Variants in TMEM132C observed in about 807,000 individuals in gnomAD.
The protein encoded by TMEM132C is protein phosphatase 1, regulatory subunit 152.
In TMEM132C, 29 loss-of-function variants were observed where a neutral mutation model predicts 61.4. The ratio of observed to expected loss-of-function variants is 0.47; its 90% CI spans 0.35 to 0.64. The LOEUF is 0.64. TMEM132C is among the 30% of genes least tolerant of loss of function. The probability of loss-of-function intolerance (pLI) is 0.00; values close to 1 mark genes in which losing one functional copy is unlikely to be tolerated. For synonymous variants in TMEM132C, 656 were observed against 633.1 expected (o/e 1.04, Z -0.54); for missense variants, 1,408 against 1,476.9 (o/e 0.95, Z 0.76).
intron 1 of TMEM132C, among the ~76,000 whole-genome samples, chr12:128,295,736 A>G (rs1005168418): frequency 2.0e-5 from 3 of 151,712 alleles, no homozygotes; most frequent in African/African-American, 7.3e-5. Flanking sequence ...GTGATCAGAG[A>G]CCAGTCCAGT....
At chr12:128,473,605 TTCA>T (rs1871055613) in intron 2 of TMEM132C, among the ~76,000 whole-genome samples, 1 of 152,102 alleles carries the variant, frequency 6.6e-6, no homozygotes, top group African/African-American at 2.4e-5. Flanking sequence ...AGCCTCTATC[TTCA>T]TCTTCACTCC....
Position 128,630,284 on chromosome 12 carries a change from A to G in TMEM132C, c.1305+13949A>G, listed in dbSNP as rs1464081142. Among the ~76,000 whole-genome samples, 3 of 152,150 alleles carry G rather than the reference A, an allele frequency of 2.0e-5. No homozygotes were observed. Among genetic ancestry groups the G allele is most frequent in the Non-Finnish European group, 4.4e-5 (3 of 68,022 alleles). Reference sequence around the variant, plus strand: ...GCCACACTGACGGCCCATGAGGGTCACTAGGGGGCAGGGGCTGGAGCTTCT... The same window carrying G: ...GCCACACTGACGGCCCATGAGGGTCGCTAGGGGGCAGGGGCTGGAGCTTCT... On this transcript the variant is annotated intron_variant, in intron 4 of 8. Transcript: ENST00000435159. This position sits in a 1 kb window ranked among gnomAD's most constrained non-coding sequence, Gnocchi z 4.3.
chr12:128,402,440 G>A (rs1875194279), intron 1 of TMEM132C, among the ~76,000 whole-genome samples: 1 of 152,030 alleles, frequency 6.6e-6, no homozygotes, highest in Non-Finnish European at 1.5e-5. Context: ...TGTTTCCCTA[G>A]TGACACTTTG....
intron 8 of TMEM132C, among the ~76,000 whole-genome samples, chr12:128,700,534 A>G (rs1954796531): frequency 1.3e-5 from 2 of 152,166 alleles, no homozygotes; most frequent in Non-Finnish European, 2.9e-5. Flanking sequence ...TCAAGAGGAA[A>G]TGTCAGCCAC....
At chr12:128,609,616 G>A (rs1306290985) in intron 3 of TMEM132C, among the ~76,000 whole-genome samples, 1 of 151,906 alleles carries the variant, frequency 6.6e-6, no homozygotes, top group East Asian at 2.0e-4. Flanking sequence ...GAAATAGGGT[G>A]ACCTTCATAC....
At chr12:128,598,439 G>GA (rs796848033) in intron 3 of TMEM132C, among the ~76,000 whole-genome samples, 81 of 150,994 alleles carry the variant, frequency 5.4e-4, no homozygotes, top group African/African-American at 1.7e-3. Context: ...TGGTCTCAAA[G>GA]AAAAAAAAAG....
chr12:128,605,142 G>T (rs1876377518), intron 3 of TMEM132C, among the ~76,000 whole-genome samples: 3 of 150,816 alleles, frequency 2.0e-5, no homozygotes, highest in Admixed American at 1.3e-4. Flanking sequence ...TAGATACATA[G>T]ATACATAGAT....
chr12:128,695,926 G>A lies in TMEM132C; in HGVS notation c.1752G>A (p.Gln584=). The A allele has an allele frequency of 6.4e-7, 1 of 1,551,762 alleles. No individual in the cohort carries two copies. Among genetic ancestry groups the A allele is most frequent in the Non-Finnish European group, 8.7e-7 (1 of 1,147,010 alleles). ...ACGCCACCGTGCGGGTCCTCACCCA[G>A]TTTGTGTCTGAGGGCGCCGGTCCAT... is the stretch of plus-strand genomic sequence containing the variant. The part of the protein sequence containing the change: ...YQHATVRVLT[Q]FVSEGAGPWG... Residue 584 remains glutamine (Q), a synonymous_variant, in exon 7 of 9, where the codon CAG becomes CAA. Coordinates refer to ENST00000435159, the MANE Select transcript of TMEM132C (RefSeq NM_001136103.3).
chr12:128,692,941 C>T (rs555512944), intron 5 of TMEM132C, among the ~76,000 whole-genome samples: 1 of 152,240 alleles, frequency 6.6e-6, no homozygotes, highest in South Asian at 2.1e-4. Flanking sequence ...GAAAGGGAGG[C>T]GCATAGGGAA....
intron 1 of TMEM132C, among the ~76,000 whole-genome samples, chr12:128,383,857 C>A (rs893984441): frequency 1.3e-5 from 2 of 152,198 alleles, no homozygotes; most frequent in African/African-American, 4.8e-5. Context: ...TAGCCACTCT[C>A]TTACTGAGCA....
intron 2 of TMEM132C, among the ~76,000 whole-genome samples, chr12:128,519,780 A>G (rs7974728): frequency 0.92 from 139,804 of 152,252 alleles, 65,267 homozygotes; most frequent in East Asian, 1. Flanking sequence ...ACAAGGAAGA[A>G]TGAGGGGTTG....
intron 1 of TMEM132C, among the ~76,000 whole-genome samples, chr12:128,290,139 AG>A (rs1446335466): frequency 1.6e-4 from 25 of 152,186 alleles, no homozygotes; most frequent in African/African-American, 5.8e-4. Context: ...AAAACCCAGT[AG>A]GGCGTGTGAT....
intron 3 of TMEM132C, among the ~76,000 whole-genome samples, chr12:128,589,063 G>A (rs1049241958): frequency 6.6e-6 from 1 of 152,124 alleles, no homozygotes; most frequent in Non-Finnish European, 1.5e-5. Context: ...TATGACCAAC[G>A]ACCACAGCCC....
intron 4 of TMEM132C, among the ~76,000 whole-genome samples, chr12:128,669,062 G>A (rs1235042442): frequency 3.9e-5 from 6 of 152,204 alleles, no homozygotes; most frequent in African/African-American, 1.4e-4. Context: ...AACTTACTGT[G>A]CTTGCTCAAG....
At chr12:128,362,682 G>T (rs1331401212) in intron 1 of TMEM132C, among the ~76,000 whole-genome samples, 1 of 152,128 alleles carries the variant, frequency 6.6e-6, no homozygotes, top group African/African-American at 2.4e-5. Flanking sequence ...TCCTTTGAAC[G>T]TGACCTTTGA....
intron 1 of TMEM132C, among the ~76,000 whole-genome samples, chr12:128,285,469 G>C (rs539550927): frequency 6.6e-6 from 1 of 152,136 alleles, no homozygotes; most frequent in South Asian, 2.1e-4. Flanking sequence ...GTCGTTGCCA[G>C]GGAAGAACAT....
At chr12:128,281,966 G>A (rs1870912818) in intron 1 of TMEM132C, among the ~76,000 whole-genome samples, 1 of 152,130 alleles carries the variant, frequency 6.6e-6, no homozygotes, top group Non-Finnish European at 1.5e-5. Flanking sequence ...CATTGGAGTT[G>A]GATTCTCTTT....
At chr12:128,600,865 C>A (rs568953497) in intron 3 of TMEM132C, among the ~76,000 whole-genome samples, 72 of 152,318 alleles carry the variant, frequency 4.7e-4, no homozygotes, top group African/African-American at 1.6e-3. Flanking sequence ...AGAAAGCCTT[C>A]TGTTTTAAAT....
At chr12:128,582,074 G>A (rs780466131) in intron 3 of TMEM132C, among the ~76,000 whole-genome samples, 6 of 152,176 alleles carry the variant, frequency 3.9e-5, no homozygotes, top group Non-Finnish European at 5.9e-5. Flanking sequence ...TGGACTTCTC[G>A]AGGAGACCAC....
Sources: allele counts gnomAD v4.1 joint callset (sites outside exome capture counted in the v4.1 genomes callset), GRCh38; gene constraint gnomAD v4.1.1; non-coding constraint Gnocchi (gnomAD v3.1); transcripts MANE v1.5; gene names NCBI Gene and HGNC (gene_info 2026-07-23, HGNC 2026-07-21).